DGKH: variants seen among roughly 807,000 people sequenced by gnomAD.
The protein encoded by DGKH is DAG kinase eta.
DGKH carries 90 observed loss-of-function variants against 159.3 expected under a neutral mutation model. That is an observed-to-expected ratio of 0.57 (90% CI 0.48 to 0.67). The LOEUF (loss-of-function observed/expected upper bound fraction) is 0.67. DGKH is among the 30% of genes least tolerant of loss of function. The probability of loss-of-function intolerance (pLI) is 0.00; values close to 1 mark genes in which losing one functional copy is unlikely to be tolerated. For synonymous variants in DGKH, 536 were observed against 553.8 expected, an observed-to-expected ratio of 0.97 and a Z score of 0.45; for missense variants, 1,181 against 1,506.1, an observed-to-expected ratio of 0.78 and a Z score of 3.57.
intron 1 of DGKH, among the ~76,000 whole-genome samples, chr13:42,122,991 A>G (rs953582437): frequency 3.9e-5 from 6 of 152,204 alleles, no homozygotes; most frequent in African/African-American, 1.4e-4. Context: ...CAAGACCACA[A>G]TAATTTTTAG....
At chr13:42,078,615 A>T (rs1954141663) in intron 1 of DGKH, among the ~76,000 whole-genome samples, 1 of 151,956 alleles carries the variant, frequency 6.6e-6, no homozygotes, top group African/African-American at 2.4e-5. Flanking sequence ...TGGGCGGGGG[A>T]CATGGGGGAT....
At chr13:42,146,319 C>T (rs1955731402) in intron 3 of DGKH, among the ~76,000 whole-genome samples, 1 of 152,098 alleles carries the variant, frequency 6.6e-6, no homozygotes, top group African/African-American at 2.4e-5. Context: ...AAGTTTAACA[C>T]AATATCAGGA....
At chr13:42,055,542 T>C (rs1436094850) in intron 1 of DGKH, among the ~76,000 whole-genome samples, 2 of 152,228 alleles carry the variant, frequency 1.3e-5, no homozygotes, top group Admixed American at 1.3e-4. Flanking sequence ...ACTCTTTCAC[T>C]TAGTTTAAGT....
intron 13 of DGKH, among the ~76,000 whole-genome samples, chr13:42,183,550 G>A (rs1956831516): frequency 6.6e-6 from 1 of 152,074 alleles, no homozygotes; most frequent in Non-Finnish European, 1.5e-5. Context: ...ACCCTCTTGT[G>A]CCTGTTTGTA....
intron 30 of DGKH, among the ~76,000 whole-genome samples, chr13:42,253,262 G>A (rs557743654): frequency 5.5e-4 from 84 of 152,088 alleles, no homozygotes; most frequent in African/African-American, 2.0e-3. Context: ...TGGAGTCCTC[G>A]AATGGGATTA....
intron 1 of DGKH, among the ~76,000 whole-genome samples, chr13:42,065,687 A>G (rs932144261): frequency 5.9e-5 from 9 of 152,114 alleles, no homozygotes; most frequent in East Asian, 1.9e-4. Flanking sequence ...GGCGAATATG[A>G]GCATATGTGA....
chr13:42,236,792 A>T lies in DGKH; in HGVS notation c.*7604A>T, dbSNP rs1208008362. 6.6e-6 allele frequency: 1 copy of T among 152,186 alleles called. No homozygotes were observed. Among genetic ancestry groups the T allele is most frequent in the Middle Eastern group, 3.2e-3 (1 of 316 alleles). 9.4% of individuals were successfully genotyped at this position (152,186 alleles called of 1,614,324 possible). A position where few individuals can be genotyped will look rare whatever the true frequency, so the allele number is the denominator to read the frequency against. On this transcript the variant is annotated 3_prime_UTR_variant, in exon 30 of 30. Transcript: ENST00000337343. The stretch of plus-strand genomic sequence containing the variant: ...GTGGTGGGTGCCTGTAATCCCAGCT[A>T]CTCAGGAGGCTGAGGCAGGAGAATT...
At chr13:42,190,805 T>C (rs891707677) in intron 16 of DGKH, among the ~76,000 whole-genome samples, 4 of 152,338 alleles carry the variant, frequency 2.6e-5, no homozygotes, top group Admixed American at 1.3e-4. Flanking sequence ...AATATGTTGG[T>C]TTTCCTGAGG....
chr13:42,149,229 T>A (rs1955817317), intron 3 of DGKH, among the ~76,000 whole-genome samples: 1 of 152,118 alleles, frequency 6.6e-6, no homozygotes, highest in Admixed American at 6.6e-5. Flanking sequence ...GCTCCTGACC[T>A]CTTCCTCCCT....
At position 42,127,453 on chromosome 13, in the gene DGKH, T is replaced by G. The variant is rs976454082; in HGVS notation, c.193-10T>G. 6.3e-7 allele frequency: 1 copy of G among 1,597,224 alleles called. No individual in the cohort carries two copies. Among genetic ancestry groups the G allele is most frequent in the African/African-American group, 1.3e-5 (1 of 74,574 alleles). ...TTTAATCGTGTCATTGTGCTTCTGC[T>G]TCTCTCTAGACCAGTATTAAAGAGG... On this transcript the variant is annotated splice_polypyrimidine_tract_variant and intron_variant, in intron 1 of 29. Coordinates refer to ENST00000337343, the MANE Select transcript of DGKH (RefSeq NM_178009.5).
chr13:42,060,926 T>C (rs1375791618), intron 1 of DGKH, among the ~76,000 whole-genome samples: 1 of 152,182 alleles, frequency 6.6e-6, no homozygotes, highest in Non-Finnish European at 1.5e-5. Flanking sequence ...GTGGCTATGT[T>C]GTCTGGGGTA....
chr13:42,177,894 A>G (rs1052656268), intron 12 of DGKH, among the ~76,000 whole-genome samples: 4 of 152,208 alleles, frequency 2.6e-5, no homozygotes, highest in African/African-American at 9.6e-5. Context: ...TTTACATTAA[A>G]AAATTTTGTA....
Position 42,220,241 on chromosome 13 carries a change from C to T in DGKH, c.3442+447C>T, listed in dbSNP as rs115840255. On this transcript the variant is annotated intron_variant, in intron 28 of 29. Coordinates refer to ENST00000337343, the MANE Select transcript of DGKH (RefSeq NM_178009.5). The stretch of plus-strand genomic sequence containing the variant: ...TAGAAACTTTCATTTACTCATTTAA[C>T]TTGCCGATTACATTTTCCACCTAAA... Among the ~76,000 whole-genome samples the T allele has an allele frequency of 8.8e-3, 1,339 of 152,274 alleles. 20 individuals carry two copies. The highest frequency in any genetic ancestry group is 0.031 in the African/African-American group (1,268 of 41,558).
rs1237060927 is a variant in DGKH at position 42,085,287 on chromosome 13, T to C, written c.192+36322T>C. 3.3e-5 allele frequency among the ~76,000 whole-genome samples: 5 copies of C among 150,744 alleles called. No homozygotes were observed. The South Asian group carries it at 1.0e-3, about 31-fold the overall frequency. Reference sequence around the variant, plus strand: ...GCTGGTGAAATGTAGGTGAGCAAAATAGTTTATGGATTCCCTTTCTCCCTT... The same window carrying C: ...GCTGGTGAAATGTAGGTGAGCAAAACAGTTTATGGATTCCCTTTCTCCCTT... On this transcript the variant is annotated intron_variant, in intron 1 of 29. Coordinates refer to ENST00000337343, the MANE Select transcript of DGKH (RefSeq NM_178009.5).
chr13:42,215,693 T>A lies in DGKH; in HGVS notation c.3213+26T>A, dbSNP rs569321175. ...GTAAGGAAAAGAATGACTGGTAACA[T>A]AAGAATGATGAATTAAATGTCTGGG... On this transcript the variant is annotated intron_variant, in intron 26 of 29. Transcript: ENST00000337343. 3 of 1,574,796 alleles carry A rather than the reference T, an allele frequency of 1.9e-6. No homozygotes were observed. The Admixed American group carries it at 5.1e-5, about 27-fold the overall frequency.
At position 42,241,368 on chromosome 13, in the gene DGKH, C is replaced by T. The variant is rs1958510378; in HGVS notation, c.*12180C>T. On this transcript the variant is annotated 3_prime_UTR_variant, in exon 30 of 30. Coordinates refer to ENST00000337343, the MANE Select transcript of DGKH (RefSeq NM_178009.5). The stretch of plus-strand genomic sequence containing the variant: ...GGTTACTTCAGAGAGGAGTCTCCTT[C>T]CACCCAAAAAAACTAACCAAATTAT... 1 of 152,158 alleles carries T rather than the reference C, an allele frequency of 6.6e-6. No homozygotes were observed. The highest frequency in any genetic ancestry group is 2.4e-5 in the African/African-American group (1 of 41,434). The allele number at this position is 152,158 out of a possible 1,614,324, so 9.4% of individuals were successfully genotyped here. A position where few individuals can be genotyped will look rare whatever the true frequency, so the allele number is the denominator to read the frequency against.
intron 29 of DGKH, among the ~76,000 whole-genome samples, chr13:42,226,176 C>CA (rs955741789): frequency 6.6e-6 from 1 of 151,892 alleles, no homozygotes; most frequent in Non-Finnish European, 1.5e-5. Context: ...GACATGTGGC[C>CA]AACAAACATA....
chr13:42,060,402 G>C (rs190481332), intron 1 of DGKH, among the ~76,000 whole-genome samples: 1 of 152,058 alleles, frequency 6.6e-6, no homozygotes, highest in African/African-American at 2.4e-5. Flanking sequence ...CTGAGATCTG[G>C]GCCTCTAGTT....
At chr13:42,162,324 A>G (rs1956205012) in intron 7 of DGKH, among the ~76,000 whole-genome samples, 1 of 152,200 alleles carries the variant, frequency 6.6e-6, no homozygotes, top group South Asian at 2.1e-4. Flanking sequence ...CAGCTTGACC[A>G]ACATGGTGGA....
Sources: gnomAD v4.1 joint callset for allele counts (sites outside exome capture counted in the v4.1 genomes callset) on GRCh38, gnomAD v4.1.1 for gene constraint, MANE v1.5 for transcripts, NCBI Gene and HGNC (gene_info 2026-07-23, HGNC 2026-07-21) for gene names.